TSKU: variants seen among roughly 807,000 people sequenced by gnomAD.
The protein encoded by TSKU is tsukushi, small leucine rich proteoglycan, also known as tsukushi.
Under a neutral mutation model 11.2 loss-of-function variants are expected in TSKU, and 4 were observed. The observed-to-expected ratio is 0.36, with a 90% CI of 0.18 to 0.82. TSKU has a LOEUF of 0.82. TSKU is among the 40% of genes least tolerant of loss of function. TSKU has a pLI of 0.50. For synonymous variants in TSKU, 220 were observed against 232.2 expected, an observed-to-expected ratio of 0.95 and a Z score of 0.48; for missense variants, 407 against 482.5, an observed-to-expected ratio of 0.84 and a Z score of 1.47.
At chr11:76,795,412 C>T (rs563771718) in intron 1 of TSKU, among the ~76,000 whole-genome samples, 197 bp from the exon 2 acceptor site, 9 of 152,344 alleles carry the variant, frequency 5.9e-5, no homozygotes, top group African/African-American at 1.9e-4. Context: ...CCTGGCCTCA[C>T]GCCCCTTACC....
chr11:76,786,932 C>T (rs939839035), intron 1 of TSKU, among the ~76,000 whole-genome samples: 3 of 152,160 alleles, frequency 2.0e-5, no homozygotes, highest in Admixed American at 6.5e-5. Flanking sequence ...TCTTCAGCCC[C>T]TGCCTTCCCT....
rs753320296 is a variant in TSKU at position 76,795,740 on chromosome 11, G to A, written c.124G>A (p.Val42Met). 3 of 1,614,204 alleles carry A rather than the reference G, an allele frequency of 1.9e-6. No homozygotes were observed. The highest frequency in any genetic ancestry group is 2.5e-6 in the Non-Finnish European group (3 of 1,180,036). ...TTTCGACAGCTTCAGCCTGACTCGG[G>A]TGGATTGTAGCGGCCTGGGCCCCCA... ...GLFDSFSLTR[V>M]DCSGLGPHIM... Residue 42 changes from valine (V) to methionine (M), a missense_variant, in exon 2 of 2, where the codon GTG becomes ATG. By Grantham distance (21) the Val-to-Met change is conservative. Transcript: ENST00000333090.
At chr11:76,787,230 C>CAT (rs1944321540) in intron 1 of TSKU, among the ~76,000 whole-genome samples, 1 of 152,222 alleles carries the variant, frequency 6.6e-6, no homozygotes, top group African/African-American at 2.4e-5. Context: ...CCCTCTGCCC[C>CAT]ATAGCGCCTC....
intron 1 of TSKU, chr11:76,784,240 C>T (rs1302238895): frequency 6.6e-6 from 1 of 152,392 alleles, no homozygotes; most frequent in Non-Finnish European, 1.5e-5. Flanking sequence ...GCGTTGCCCT[C>T]CCCGCGCTTC....
rs557514650 is a variant in TSKU at position 76,794,413 on chromosome 11, G to T, written c.-8-1196G>T. On this transcript the variant is annotated intron_variant, in intron 1 of 1. Transcript: ENST00000333090. ...GGGACACTGGCTCATGCCACAGCAT[G>T]TGTCAGTGGGAAAAGCCCCTCCTGC... Among the ~76,000 whole-genome samples the T allele has an allele frequency of 4.6e-5, 7 of 152,356 alleles. No homozygotes were observed. The East Asian group carries it at 1.2e-3, about 25-fold the overall frequency.
At chr11:76,787,258 G>A (rs1055056983) in intron 1 of TSKU, among the ~76,000 whole-genome samples, 3 of 152,296 alleles carry the variant, frequency 2.0e-5, no homozygotes, top group East Asian at 3.9e-4. Context: ...GTCCATGTAC[G>A]CTGCCTCAGG....
chr11:76,790,306 C>T (rs2134394131), intron 1 of TSKU, among the ~76,000 whole-genome samples: 1 of 152,196 alleles, frequency 6.6e-6, no homozygotes, highest in Admixed American at 6.5e-5. Context: ...GGCACAGTTG[C>T]CCTGTCACCT....
intron 1 of TSKU, among the ~76,000 whole-genome samples, chr11:76,790,568 C>T (rs1179276565): frequency 6.6e-6 from 1 of 152,148 alleles, no homozygotes; most frequent in African/African-American, 2.4e-5. Context: ...CCCAGAATTC[C>T]CATGTGTTGT....
intron 1 of TSKU, chr11:76,791,626 C>T (rs776008182): frequency 1.3e-5 from 2 of 152,290 alleles, no homozygotes; most frequent in Non-Finnish European, 2.9e-5. Context: ...CACCATCATT[C>T]ACTGACCTTG....
At chr11:76,788,262 C>G (rs1944331274) in intron 1 of TSKU, among the ~76,000 whole-genome samples, 1 of 151,870 alleles carries the variant, frequency 6.6e-6, no homozygotes, top group African/African-American at 2.4e-5. Flanking sequence ...CAGTGGGGCC[C>G]TGTGCCAACA....
chr11:76,785,960 A>G (rs1944307648), intron 1 of TSKU, among the ~76,000 whole-genome samples: 1 of 152,236 alleles, frequency 6.6e-6, no homozygotes, highest in South Asian at 2.1e-4. Flanking sequence ...GGTGTATTAA[A>G]TAAGATAATG....
intron 1 of TSKU, among the ~76,000 whole-genome samples, chr11:76,787,286 A>G (rs1944322140): frequency 6.6e-6 from 1 of 152,136 alleles, no homozygotes; most frequent in South Asian, 2.1e-4. Context: ...GAACTTGAAA[A>G]TCTTCAAGAA....
At chr11:76,792,810 T>A (rs1463275597) in intron 1 of TSKU, 1 of 153,824 alleles carries the variant, frequency 6.5e-6, no homozygotes, top group Non-Finnish European at 1.4e-5. Context: ...AATTGCCCAG[T>A]CTTAGGTATG....
At chr11:76,795,047 T>C (rs1944421982) in intron 1 of TSKU, among the ~76,000 whole-genome samples, 1 of 152,080 alleles carries the variant, frequency 6.6e-6, no homozygotes, top group Non-Finnish European at 1.5e-5. Flanking sequence ...GTTGTGAGGG[T>C]CAGATGCGAC....
At position 76,784,752 on chromosome 11, in the gene TSKU, G is replaced by A. The variant is rs565138555; in HGVS notation, c.-9+1348G>A. 7.6e-5 allele frequency among the ~76,000 whole-genome samples: 11 copies of A among 145,260 alleles called. 1 individual carries two copies. The East Asian group carries it at 1.8e-3, about 23-fold the overall frequency. ...GCCTGGGGCTGACCGGAGGTGGGGGGGGGGGGGTGCTCAGAGCTGCAGGAG... is the reference window on the plus strand; with the variant it reads ...GCCTGGGGCTGACCGGAGGTGGGGGAGGGGGGGTGCTCAGAGCTGCAGGAG... On this transcript the variant is annotated intron_variant, in intron 1 of 1. Transcript: ENST00000333090.
chr11:76,784,724 A>G (rs1944291043), intron 1 of TSKU, among the ~76,000 whole-genome samples: 1 of 110,310 alleles, frequency 9.1e-6, no homozygotes, highest in Non-Finnish European at 1.7e-5. Context: ...CTAGACTTGC[A>G]GTGCCTGGGG....
intron 1 of TSKU, chr11:76,791,806 T>G (rs1396827192): frequency 6.6e-6 from 1 of 152,222 alleles, no homozygotes; most frequent in Non-Finnish European, 1.5e-5. Flanking sequence ...TTTCAGAAGA[T>G]GTATGGAAAC....
rs76892525 is a variant in TSKU at position 76,797,526 on chromosome 11, G to C, written c.*848G>C. 2,050 of 167,276 alleles carry C rather than the reference G, an allele frequency of 0.012. 33 individuals are homozygous for C. Among genetic ancestry groups the C allele is most frequent in the East Asian group, 0.062 (320 of 5,192 alleles). The allele number at this position is 167,276 out of a possible 1,614,324, so 10.4% of individuals were successfully genotyped here. A position where few individuals can be genotyped will look rare whatever the true frequency, so the allele number is the denominator to read the frequency against. On this transcript the variant is annotated 3_prime_UTR_variant, in exon 2 of 2. Transcript: ENST00000333090. The stretch of plus-strand genomic sequence containing the variant: ...CCCTTCGGAGCCTCTGGAAGCTTAG[G>C]GCACATTGGTTCCAGCCTAGCCAGT...
At chr11:76,790,331 C>G (rs1944353765) in intron 1 of TSKU, among the ~76,000 whole-genome samples, 1 of 152,128 alleles carries the variant, frequency 6.6e-6, no homozygotes, top group Non-Finnish European at 1.5e-5. Context: ...GTCAGTGCCC[C>G]AGAGTGTGGG....
Sources: gnomAD v4.1 joint callset for allele counts (sites outside exome capture counted in the v4.1 genomes callset) on GRCh38, gnomAD v4.1.1 for gene constraint, MANE v1.5 for transcripts, NCBI Gene and HGNC (gene_info 2026-07-23, HGNC 2026-07-21) for gene names.